The following C7orf78 variants were observed in gnomAD, a reference collection of about 807,000 sequenced individuals.
C7orf78 encodes the protein putative uncharacterized protein C7orf78.
At chr7:12,534,966 A>AGAAGGAAGGAGG in the C7orf78 span, among the ~76,000 whole-genome samples, 3 of 82,636 alleles carry the variant, frequency 3.6e-5, no homozygotes, top group African/African-American at 1.4e-4. Context: ...GAGGGAGGGA[A>AGAAGGAAGGAGG]GAAGGAAGGA....
chr7:12,529,144 A>G, the C7orf78 span: 1 of 396,730 alleles, frequency 2.5e-6, no homozygotes, highest in Non-Finnish European at 4.4e-6. Flanking sequence ...AGTGTAAAAT[A>G]TATTTCTGTC....
the C7orf78 span, among the ~76,000 whole-genome samples, chr7:12,512,257 CCTTGTTACACTT>C: frequency 2.6e-5 from 4 of 152,006 alleles, no homozygotes; most frequent in Non-Finnish European, 4.4e-5. Context: ...GGTATTTTTG[CCTTGTTACACTT>C]CTTAGAGAAG....
chr7:12,485,833 C>A, the C7orf78 span, among the ~76,000 whole-genome samples: 4 of 150,508 alleles, frequency 2.7e-5, no homozygotes, highest in African/African-American at 9.8e-5. Flanking sequence ...ATAATTTGCA[C>A]GTCATAGGGC....
chr7:12,514,543 G>T, the C7orf78 span, among the ~76,000 whole-genome samples: 1 of 151,660 alleles, frequency 6.6e-6, no homozygotes, highest in Admixed American at 6.6e-5. Flanking sequence ...TACTTTCAAG[G>T]TTATTATTGA....
chr7:12,492,481 G>A, the C7orf78 span, among the ~76,000 whole-genome samples: 1 of 152,168 alleles, frequency 6.6e-6, no homozygotes, highest in African/African-American at 2.4e-5. Context: ...CAGCAATACT[G>A]GTTATGGTCT....
At chr7:12,510,800 T>C in the C7orf78 span, among the ~76,000 whole-genome samples, 5 of 152,222 alleles carry the variant, frequency 3.3e-5, no homozygotes, top group Admixed American at 3.3e-4. Flanking sequence ...ATTAGCTTTC[T>C]GTTGGATGAT....
At chr7:12,509,991 G>A in the C7orf78 span, among the ~76,000 whole-genome samples, 2 of 147,128 alleles carry the variant, frequency 1.4e-5, no homozygotes, top group African/African-American at 2.5e-5. Context: ...CTGAGACCAC[G>A]CCATTGCACT....
the C7orf78 span, chr7:12,531,027 G>C: frequency 1.0e-5 from 4 of 398,448 alleles, no homozygotes; most frequent in East Asian, 1.4e-4. Flanking sequence ...ATAGAAGGCA[G>C]CGTGATGCAT....
At chr7:12,498,070 A>C in the C7orf78 span, among the ~76,000 whole-genome samples, 2 of 151,830 alleles carry the variant, frequency 1.3e-5, no homozygotes, top group Admixed American at 6.6e-5. Flanking sequence ...CATCCACACC[A>C]AAAACCCATC....
the C7orf78 span, among the ~76,000 whole-genome samples, chr7:12,499,477 CAAAG>C: frequency 6.0e-3 from 888 of 148,582 alleles, 6 homozygotes; most frequent in African/African-American, 0.021. Flanking sequence ...TCAAAAGAGA[CAAAG>C]AAGGCCATTA....
At chr7:12,504,848 A>G in the C7orf78 span, among the ~76,000 whole-genome samples, 7 of 152,250 alleles carry the variant, frequency 4.6e-5, no homozygotes, top group Middle Eastern at 0.014. Flanking sequence ...TGTGATCACG[A>G]TAGCAGATTA....
chr7:12,516,079 T>C, the C7orf78 span, among the ~76,000 whole-genome samples: 126,740 of 152,170 alleles, frequency 0.83, 52,877 homozygotes, highest in East Asian at 0.92. Context: ...GTCTCTAGGG[T>C]ATGTCAGATG....
the C7orf78 span, among the ~76,000 whole-genome samples, chr7:12,537,848 A>G: frequency 6.6e-6 from 1 of 152,202 alleles, no homozygotes; most frequent in East Asian, 1.9e-4. Flanking sequence ...AATAGGGATG[A>G]GTCTCACAAA....
At chr7:12,491,780 A>C in the C7orf78 span, 1 of 152,132 alleles carries the variant, frequency 6.6e-6, no homozygotes, top group Non-Finnish European at 1.5e-5. Context: ...AGCCCATATA[A>C]ATGCATTAAA....
the C7orf78 span, among the ~76,000 whole-genome samples, chr7:12,485,825 A>G: frequency 6.7e-6 from 1 of 149,696 alleles, no homozygotes; most frequent in Admixed American, 6.7e-5. Flanking sequence ...TCCAAATTAT[A>G]ATTTGCACGT....
chr7:12,516,733 A>G, the C7orf78 span, among the ~76,000 whole-genome samples: 1 of 152,152 alleles, frequency 6.6e-6, no homozygotes, highest in African/African-American at 2.4e-5. Flanking sequence ...GTCAAAGGAG[A>G]TCATTTTGGG....
the C7orf78 span, among the ~76,000 whole-genome samples, chr7:12,490,152 T>G: frequency 1.3e-5 from 2 of 152,162 alleles, no homozygotes; most frequent in Admixed American, 6.6e-5. Flanking sequence ...AACCAGGAAC[T>G]TAGCACTTTG....
At chr7:12,486,424 C>A in the C7orf78 span, among the ~76,000 whole-genome samples, 1 of 151,678 alleles carries the variant, frequency 6.6e-6, no homozygotes, top group Non-Finnish European at 1.5e-5. Context: ...CTCTTTGGTG[C>A]CTTAGTTCCA....
chr7:12,533,704 G>T, the C7orf78 span, among the ~76,000 whole-genome samples: 1 of 151,918 alleles, frequency 6.6e-6, no homozygotes, highest in East Asian at 1.9e-4. Context: ...TTTTAGTAGA[G>T]ACAAGGTTTC....
Sources: gnomAD v4.1 joint callset for allele counts (sites outside exome capture counted in the v4.1 genomes callset) on GRCh38, gnomAD v4.1.1 for gene constraint, MANE v1.5 for transcripts, NCBI Gene and HGNC (gene_info 2026-07-23, HGNC 2026-07-21) for gene names.